DPP10: variants seen among roughly 807,000 people sequenced by gnomAD.
DPP10 encodes dipeptidyl peptidase like 10.
DPP10 carries 33 observed loss-of-function variants against 120.9 expected under a neutral mutation model. The ratio of observed to expected loss-of-function variants is 0.27; its 90% confidence interval spans 0.21 to 0.37. DPP10 has a LOEUF of 0.37. Among genes scored for constraint, DPP10 ranks in the 10% least tolerant of loss-of-function variants. DPP10 has a pLI of 1.00. For synonymous variants in DPP10, 337 were observed against 326.1 expected (o/e 1.03, Z -0.36); for missense variants, 816 against 942.8 (o/e 0.87, Z 1.76).
At chr2:115,013,200 A>C (rs901453573) in intron 1 of DPP10, among the ~76,000 whole-genome samples, 5 of 152,074 alleles carry the variant, frequency 3.3e-5, no homozygotes, top group Admixed American at 2.6e-4. Flanking sequence ...GTGGTGACAA[A>C]ATCTCTCACC....
intron 1 of DPP10, among the ~76,000 whole-genome samples, chr2:114,747,965 C>T (rs1340037714): frequency 6.6e-6 from 1 of 152,156 alleles, no homozygotes; most frequent in East Asian, 1.9e-4. Flanking sequence ...ACTGGCCCCC[C>T]ATGAAATTGA....
At chr2:115,088,764 A>AAAAAAAAAAAAAAAAC (rs1708973956) in intron 1 of DPP10, among the ~76,000 whole-genome samples, 1 of 150,366 alleles carries the variant, frequency 6.7e-6, no homozygotes, top group Non-Finnish European at 1.5e-5. Flanking sequence ...AAAAAAAAAA[A>AAAAAAAAAAAAAAAAC]AAAAACCAAA....
chr2:114,763,241 G>C (rs1680431537), intron 1 of DPP10, among the ~76,000 whole-genome samples: 1 of 152,148 alleles, frequency 6.6e-6, no homozygotes. Context: ...AGCTTGAAAA[G>C]AGGTAAAATC....
Position 115,096,387 on chromosome 2 carries a change from A to G in DPP10, c.61-212852A>G, listed in dbSNP as rs184743002. ...TATATGCGTTGATATGCGTTCAAGC[A>G]ATGTACAAATATATGAAGTTTCCTA... On this transcript the variant is annotated intron_variant, in intron 1 of 25. Transcript: ENST00000410059. Among the ~76,000 whole-genome samples the G allele has an allele frequency of 1.1e-4, 16 of 152,328 alleles. No homozygotes were observed. In the East Asian group the frequency reaches 3.1e-3, roughly 29 times the overall value.
At chr2:114,936,026 G>A (rs1020560605) in intron 1 of DPP10, among the ~76,000 whole-genome samples, 3 of 151,882 alleles carry the variant, frequency 2.0e-5, no homozygotes, top group South Asian at 4.2e-4. Context: ...GGGGGAACAG[G>A]TAGTGTTTGG....
intron 3 of DPP10, among the ~76,000 whole-genome samples, chr2:115,470,378 T>C (rs1242705132): frequency 2.0e-5 from 3 of 152,154 alleles, no homozygotes; most frequent in Non-Finnish European, 2.9e-5. Flanking sequence ...GCACCATCTT[T>C]TTTCAGTTTC....
chr2:115,576,067 C>G (rs1176847248), intron 5 of DPP10, among the ~76,000 whole-genome samples: 2 of 152,118 alleles, frequency 1.3e-5, no homozygotes, highest in Non-Finnish European at 2.9e-5. Context: ...TTCTGAAACT[C>G]ATGTTGGACT....
intron 3 of DPP10, among the ~76,000 whole-genome samples, chr2:115,382,098 T>TC (rs2066426866): frequency 1.3e-5 from 2 of 152,070 alleles, no homozygotes; most frequent in African/African-American, 4.8e-5. Flanking sequence ...AGTTGGAGCT[T>TC]CCCGGCTGCT....
At chr2:115,626,858 G>T (rs1036380515) in intron 5 of DPP10, among the ~76,000 whole-genome samples, 2 of 152,120 alleles carry the variant, frequency 1.3e-5, no homozygotes, top group African/African-American at 4.8e-5. Context: ...CATTATGCCT[G>T]TTTGTGCATA....
At chr2:115,587,385 C>T (rs2082364891) in intron 5 of DPP10, among the ~76,000 whole-genome samples, 1 of 152,052 alleles carries the variant, frequency 6.6e-6, no homozygotes, top group South Asian at 2.1e-4. Flanking sequence ...TTTTCCTACT[C>T]CTTAGCCTCT....
chr2:115,139,609 G>C (rs1031219281), intron 1 of DPP10, among the ~76,000 whole-genome samples: 3 of 151,624 alleles, frequency 2.0e-5, no homozygotes, highest in Non-Finnish European at 4.4e-5. Flanking sequence ...TCAGGAAAGG[G>C]AGGGAACTGA....
At chr2:114,777,553 T>A (rs1272947253) in intron 1 of DPP10, among the ~76,000 whole-genome samples, 1 of 152,082 alleles carries the variant, frequency 6.6e-6, no homozygotes, top group African/African-American at 2.4e-5. Context: ...AAGAAGGAAG[T>A]TTGACCAAAT....
chr2:114,612,428 G>T (rs538816000), intron 1 of DPP10, among the ~76,000 whole-genome samples: 1 of 152,280 alleles, frequency 6.6e-6, no homozygotes, highest in Non-Finnish European at 1.5e-5. Flanking sequence ...TAAAAGAGAT[G>T]CTCTATTTTG....
Position 115,328,512 on chromosome 2 carries a change from T to C in DPP10, c.176-15305T>C, listed in dbSNP as rs918574659. ...TACATTTCTTATTTGATGAGCACTT[T>C]GAGTCACTGCCAAAAATGAAAGAGC... On this transcript the variant is annotated intron_variant, in intron 2 of 25. Transcript: ENST00000410059. Among the ~76,000 whole-genome samples the C allele has an allele frequency of 3.3e-5, 5 of 152,078 alleles. No individual in the cohort carries two copies. The South Asian group carries it at 6.2e-4, about 19-fold the overall frequency.
chr2:114,854,498 G>A (rs1407631815), intron 1 of DPP10, among the ~76,000 whole-genome samples: 4 of 152,162 alleles, frequency 2.6e-5, no homozygotes, highest in African/African-American at 4.8e-5. Flanking sequence ...CTGGCAGAGA[G>A]GTTGGCATTA....
intron 1 of DPP10, among the ~76,000 whole-genome samples, chr2:114,884,910 G>A (rs1416201809): frequency 6.6e-6 from 1 of 152,126 alleles, no homozygotes; most frequent in Non-Finnish European, 1.5e-5. Context: ...GCTGCAAACT[G>A]TTCTCTTTAG....
chr2:114,628,485 T>C (rs1467580812), intron 1 of DPP10, among the ~76,000 whole-genome samples: 1 of 152,168 alleles, frequency 6.6e-6, no homozygotes, highest in African/African-American at 2.4e-5. Context: ...TTTGCCAACT[T>C]CATTAAGACA....
intron 1 of DPP10, among the ~76,000 whole-genome samples, chr2:114,742,835 T>G (rs1307788420): frequency 6.6e-6 from 1 of 152,216 alleles, no homozygotes; most frequent in Non-Finnish European, 1.5e-5. Flanking sequence ...TTTAATACAT[T>G]AAAATCTCCT....
chr2:115,164,773 A>G (rs1422832404), intron 1 of DPP10, among the ~76,000 whole-genome samples: 1 of 152,114 alleles, frequency 6.6e-6, no homozygotes, highest in Non-Finnish European at 1.5e-5. Context: ...TTCCTCTTTT[A>G]TTTGATCTGT....
Sources: gnomAD v4.1 joint callset for allele counts (sites outside exome capture counted in the v4.1 genomes callset) on GRCh38, gnomAD v4.1.1 for gene constraint, MANE v1.5 for transcripts, NCBI Gene and HGNC (gene_info 2026-07-23, HGNC 2026-07-21) for gene names.